The following MAD1L1 variants were observed in gnomAD, a reference collection of about 807,000 sequenced individuals.
MAD1L1 encodes the protein mitotic spindle assembly checkpoint protein MAD1.
A neutral mutation model predicts 96.9 loss-of-function variants in MAD1L1; 95 were observed. The observed-to-expected ratio is 0.98, with a 90% CI of 0.83 to 1.16. MAD1L1 has a LOEUF of 1.16. Among genes scored for constraint, MAD1L1 ranks in the 50% most tolerant of loss-of-function variants. The pLI is 0.00. For synonymous variants in MAD1L1, 473 were observed against 396.6 expected, an observed-to-expected ratio of 1.19 and a Z score of -2.29; for missense variants, 1,007 against 954.4, an observed-to-expected ratio of 1.06 and a Z score of -0.73.
chr7:1,946,706 T>C (rs1242872472), intron 16 of MAD1L1, among the ~76,000 whole-genome samples: 4 of 152,226 alleles, frequency 2.6e-5, no homozygotes, highest in Non-Finnish European at 5.9e-5. Context: ...CCCCGGCCAC[T>C]TGCAGGCCTA....
At chr7:2,033,004 TCTA>T (rs1411277568) in intron 12 of MAD1L1, among the ~76,000 whole-genome samples, 5 of 152,214 alleles carry the variant, frequency 3.3e-5, no homozygotes, top group Non-Finnish European at 7.3e-5. Context: ...GTATCACGTG[TCTA>T]CTGCCTTCTT....
At chr7:2,029,827 G>C (rs1461256009) in intron 12 of MAD1L1, among the ~76,000 whole-genome samples, 1 of 152,162 alleles carries the variant, frequency 6.6e-6, no homozygotes, top group East Asian at 1.9e-4. Context: ...AGGCAAGAGA[G>C]TGATTGATAG....
intron 18 of MAD1L1, among the ~76,000 whole-genome samples, chr7:1,868,734 G>A (rs1012699265): frequency 3.3e-5 from 5 of 152,176 alleles, no homozygotes; most frequent in Admixed American, 1.3e-4. Flanking sequence ...TTGGGGATGC[G>A]GCTCAGCACC....
Position 2,124,054 on chromosome 7 carries a change from C to T in MAD1L1, c.1073+25098G>A, listed in dbSNP as rs956317284. ...CAGGCTCCTCCTCTAGACGGGGAAG[C>T]CGGGCAAACACCTCCAGGAGCAAGG... On this transcript the variant is annotated intron_variant, in intron 11 of 18. Transcript: ENST00000265854. 9.2e-5 allele frequency among the ~76,000 whole-genome samples: 14 copies of T among 152,190 alleles called. No homozygotes were observed. The South Asian group carries it at 2.7e-3, about 29-fold the overall frequency.
At chr7:2,191,841 GC>G (rs1407620708) in intron 10 of MAD1L1, among the ~76,000 whole-genome samples, 1 of 152,082 alleles carries the variant, frequency 6.6e-6, no homozygotes, top group African/African-American at 2.4e-5. Flanking sequence ...GATCAGCCTG[GC>G]CAACATGGTG....
chr7:1,862,118 G>A lies in MAD1L1; in HGVS notation c.1998+36082C>T, dbSNP rs919844533. ...ACCCATTTCCTCCACAGAGAAACTCGGGGAGCTGCTCAGGGGTGTCTGGGG... is the reference window on the plus strand; with the variant it reads ...ACCCATTTCCTCCACAGAGAAACTCAGGGAGCTGCTCAGGGGTGTCTGGGG... On this transcript the variant is annotated intron_variant, in intron 18 of 18. Coordinates refer to ENST00000265854, the MANE Select transcript of MAD1L1 (RefSeq NM_001013836.2). Among the ~76,000 whole-genome samples the A allele has an allele frequency of 1.1e-4, 17 of 152,154 alleles. No homozygotes were observed. In the East Asian group the frequency reaches 1.5e-3, roughly 14 times the overall value.
intron 18 of MAD1L1, among the ~76,000 whole-genome samples, chr7:1,871,824 G>A (rs1256120707): frequency 1.3e-5 from 2 of 152,200 alleles, no homozygotes; most frequent in Non-Finnish European, 2.9e-5. Flanking sequence ...TTCCCCGGAG[G>A]GCCAGCAGCT....
At chr7:2,165,217 A>G (rs1790366954) in intron 10 of MAD1L1, among the ~76,000 whole-genome samples, 1 of 151,954 alleles carries the variant, frequency 6.6e-6, no homozygotes, top group Non-Finnish European at 1.5e-5. Context: ...AAAAAAAAGA[A>G]AAAGAAAAAA....
intron 18 of MAD1L1, chr7:1,838,569 G>T: frequency 2.8e-6 from 1 of 355,396 alleles, no homozygotes. Context: ...AGCGAAAGAT[G>T]CCAGATGCCA....
chr7:1,934,385 C>G (rs1252115501), intron 17 of MAD1L1, among the ~76,000 whole-genome samples: 1 of 152,218 alleles, frequency 6.6e-6, no homozygotes, highest in African/African-American at 2.4e-5. Context: ...ACGGGCGAAC[C>G]CGAGACAGGC....
At chr7:2,061,730 G>C (rs1238802185) in intron 12 of MAD1L1, among the ~76,000 whole-genome samples, 4 of 152,242 alleles carry the variant, frequency 2.6e-5, no homozygotes, top group African/African-American at 9.6e-5. Flanking sequence ...GTCAGCAAGA[G>C]TCAACACCCC....
At chr7:1,890,599 A>G (rs1006585041) in intron 18 of MAD1L1, among the ~76,000 whole-genome samples, 2 of 152,242 alleles carry the variant, frequency 1.3e-5, no homozygotes, top group Admixed American at 1.3e-4. Flanking sequence ...TTATAGCAAC[A>G]TAACAGGCAA....
chr7:2,105,693 G>C (rs1443395102), intron 11 of MAD1L1, among the ~76,000 whole-genome samples: 3 of 151,982 alleles, frequency 2.0e-5, no homozygotes, highest in Non-Finnish European at 2.9e-5. Flanking sequence ...TGGTGGCCTC[G>C]GCCTGTCTCC....
At chr7:2,024,368 C>T (rs977842382) in intron 12 of MAD1L1, among the ~76,000 whole-genome samples, 16 of 152,226 alleles carry the variant, frequency 1.1e-4, no homozygotes, top group Admixed American at 6.5e-5. Flanking sequence ...CTTTCTCTTT[C>T]CTGACTGAGA....
chr7:2,155,427 A>C (rs13238385), intron 10 of MAD1L1, among the ~76,000 whole-genome samples: 39,785 of 152,086 alleles, frequency 0.26, 5,845 homozygotes, highest in African/African-American at 0.38. Flanking sequence ...AGAACTCTTA[A>C]TTTTGCAAAA....
chr7:1,941,786 C>T (rs1256301322), intron 16 of MAD1L1, among the ~76,000 whole-genome samples: 1 of 152,250 alleles, frequency 6.6e-6, no homozygotes, highest in Non-Finnish European at 1.5e-5. Flanking sequence ...GATGGCACCG[C>T]TGACCAGGGC....
rs139161633 is a variant in MAD1L1 at position 1,837,477 on chromosome 7, G to A, written c.1999-21249C>T. Among the ~76,000 whole-genome samples the A allele has an allele frequency of 3.9e-3, 589 of 152,284 alleles. 4 individuals are homozygous for A. Among genetic ancestry groups the A allele is most frequent in the South Asian group, 1.0e-2 (48 of 4,820 alleles). ...GCCAAGAGAAAAGAAATAAATGTCC[G>A]TGCAAAGCTTGCATGTGAATGTTCA... On this transcript the variant is annotated intron_variant, in intron 18 of 18. Transcript: ENST00000265854.
At chr7:2,029,527 C>G (rs190855041) in intron 12 of MAD1L1, among the ~76,000 whole-genome samples, 3 of 152,224 alleles carry the variant, frequency 2.0e-5, no homozygotes, top group African/African-American at 7.2e-5. Context: ...GGACAAAGCA[C>G]TTTCTGTATG....
At chr7:2,192,039 A>G (rs1054857413) in intron 10 of MAD1L1, among the ~76,000 whole-genome samples, 1 of 152,080 alleles carries the variant, frequency 6.6e-6, no homozygotes, top group Non-Finnish European at 1.5e-5. Flanking sequence ...TCGATAAAAA[A>G]AAAAATACAT....
Sources: allele counts gnomAD v4.1 joint callset (sites outside exome capture counted in the v4.1 genomes callset), GRCh38; gene constraint gnomAD v4.1.1; transcripts MANE v1.5; gene names NCBI Gene and HGNC (gene_info 2026-07-23, HGNC 2026-07-21).